The following OC90 variants were observed in gnomAD, a reference collection of about 807,000 sequenced individuals.
OC90 encodes otoconin-90.
In OC90, 46 loss-of-function variants were observed where a neutral mutation model predicts 47.3. The observed-to-expected ratio is 0.97, with a 90% confidence interval of 0.77 to 1.24. OC90 has a LOEUF of 1.24. Ranked by LOEUF, OC90 falls within the 50% of genes most tolerant of loss-of-function variation. The pLI, the probability that OC90 is intolerant of heterozygous loss-of-function variation, is 0.00. For synonymous variants in OC90, 271 were observed against 219.5 expected (o/e 1.23, Z -2.07); for missense variants, 688 against 583.9 (o/e 1.18, Z -1.84).
chr8:132,028,600 AGGGAAGGAGGGAAGG>A (rs1563727480), intron 13 of OC90, among the ~76,000 whole-genome samples: 11 of 32,690 alleles, frequency 3.4e-4, no homozygotes, highest in Non-Finnish European at 5.1e-4. Context: ...GGAAGGAAGG[AGGGAAGGAGGGAAGG>A]AGGAAGGAAG....
chr8:132,026,260 T>A (rs1822756260), intron 13 of OC90, among the ~76,000 whole-genome samples: 4 of 152,220 alleles, frequency 2.6e-5, no homozygotes, highest in African/African-American at 7.2e-5. Flanking sequence ...ACAAATATTA[T>A]CCTTGTTATC....
At chr8:132,058,913 T>C (rs923197722) in intron 1 of OC90, among the ~76,000 whole-genome samples, 2 of 152,026 alleles carry the variant, frequency 1.3e-5, no homozygotes, top group African/African-American at 2.4e-5. Context: ...TCAGAGCAAT[T>C]TGGGTTTTCA....
At chr8:132,034,516 G>A (rs1355033059) in intron 10 of OC90, among the ~76,000 whole-genome samples, 1 of 152,148 alleles carries the variant, frequency 6.6e-6, no homozygotes, top group Non-Finnish European at 1.5e-5. Context: ...CTCACCTCTT[G>A]AGGAGGAACT....
chr8:132,026,097 T>C (rs1443946375), intron 13 of OC90, among the ~76,000 whole-genome samples: 2 of 152,226 alleles, frequency 1.3e-5, no homozygotes, highest in African/African-American at 4.8e-5. Context: ...ATTGATTATC[T>C]GAAATTCAAA....
intron 12 of OC90, among the ~76,000 whole-genome samples, chr8:132,029,899 C>A (rs927298800): frequency 6.6e-6 from 1 of 152,226 alleles, no homozygotes; most frequent in Non-Finnish European, 1.5e-5. Context: ...CCCTTTTCAA[C>A]TTTTCCCTTT....
At chr8:132,054,724 T>C (rs1289266475) in intron 2 of OC90, among the ~76,000 whole-genome samples, 1 of 152,230 alleles carries the variant, frequency 6.6e-6, no homozygotes, top group Non-Finnish European at 1.5e-5. Context: ...CCAAAAATGT[T>C]TGTAAACACT....
chr8:132,040,659 T>C (rs1324682261), intron 6 of OC90, among the ~76,000 whole-genome samples: 2 of 152,178 alleles, frequency 1.3e-5, no homozygotes, highest in Non-Finnish European at 2.9e-5. Flanking sequence ...TGTAATTTGA[T>C]TTTCACAACT....
rs1353380886 is a variant in OC90, at chr8:132,040,505, C to T, written c.457+539G>A. Among the ~76,000 whole-genome samples, 3 of 152,178 alleles carry T rather than the reference C, an allele frequency of 2.0e-5. No homozygotes were observed. The East Asian group carries it at 5.8e-4, about 29-fold the overall frequency. ...AGTCACATAGCAAATAAGGCGGGAA[C>T]TGAGATTTGAACCTATGTGTTTCTG... On this transcript the variant is annotated intron_variant, in intron 6 of 13. Coordinates refer to ENST00000254627, the MANE Select transcript of OC90 (RefSeq NM_001080399.3).
At chr8:132,048,470 A>G (rs1823166600) in intron 2 of OC90, among the ~76,000 whole-genome samples, 1 of 151,616 alleles carries the variant, frequency 6.6e-6, no homozygotes, top group Non-Finnish European at 1.5e-5. Flanking sequence ...GTGGTCCCCC[A>G]AATATGCCGC....
At chr8:132,044,892 G>A (rs1212720864) in intron 3 of OC90, among the ~76,000 whole-genome samples, 1 of 152,180 alleles carries the variant, frequency 6.6e-6, no homozygotes, top group Non-Finnish European at 1.5e-5. Flanking sequence ...TTCCTATGGA[G>A]AATGAAGCTT....
At chr8:132,026,247 T>G (rs1301523008) in intron 13 of OC90, among the ~76,000 whole-genome samples, 1 of 151,990 alleles carries the variant, frequency 6.6e-6, no homozygotes, top group Non-Finnish European at 1.5e-5. Context: ...TACATAAGTT[T>G]CTACAAATAT....
At position 132,041,130 on chromosome 8, in the gene OC90, T is replaced by TCTC. The variant is rs763365050; in HGVS notation, c.370_371insGAG (p.Tyr124delinsTer). ...ACAGTCCATCTCAGCGGCCTCCTCA[T>TCTC]AGCACCTGCGGTGCTGGAAGCAGCA... On this transcript the variant is annotated stop_gained, in exon 6 of 14. Coordinates refer to ENST00000254627, the MANE Select transcript of OC90 (RefSeq NM_001080399.3). LOFTEE classifies it high-confidence loss of function. The TCTC allele has an allele frequency of 5.0e-6, 8 of 1,613,496 alleles. No homozygotes were observed.
intron 2 of OC90, among the ~76,000 whole-genome samples, chr8:132,048,723 C>T (rs1403174291): frequency 6.6e-6 from 1 of 151,600 alleles, no homozygotes; most frequent in African/African-American, 2.4e-5. Flanking sequence ...CCCCACTCCC[C>T]CCTGTTTTAC....
chr8:132,040,148 C>A (rs759233283), intron 6 of OC90, among the ~76,000 whole-genome samples: 2 of 152,172 alleles, frequency 1.3e-5, no homozygotes, highest in African/African-American at 4.8e-5. Flanking sequence ...CCACCTCCTC[C>A]CCTCAATTCC....
intron 12 of OC90, among the ~76,000 whole-genome samples, chr8:132,030,136 T>C (rs565450778): frequency 2.6e-5 from 4 of 152,292 alleles, no homozygotes; most frequent in African/African-American, 7.2e-5. Context: ...ACACACAATC[T>C]TGTGTGTGTA....
intron 2 of OC90, among the ~76,000 whole-genome samples, chr8:132,053,062 AC>A (rs1563735281): frequency 6.6e-6 from 1 of 151,990 alleles, no homozygotes; most frequent in East Asian, 1.9e-4. Flanking sequence ...CTTGTACTGC[AC>A]CCTGGGGCCT....
At chr8:132,028,563 AAAGGAAGG>A (rs869234363) in intron 13 of OC90, among the ~76,000 whole-genome samples, 8 of 31,380 alleles carry the variant, frequency 2.5e-4, no homozygotes, top group African/African-American at 1.1e-3. Context: ...AGAAAGAAAG[AAAGGAAGG>A]AAGGAAGGAA....
intron 10 of OC90, among the ~76,000 whole-genome samples, chr8:132,033,970 C>T (rs889129090): frequency 2.6e-5 from 4 of 152,208 alleles, no homozygotes; most frequent in East Asian, 1.9e-4. Context: ...TGGTTTGCTT[C>T]GTGCATCTGG....
intron 2 of OC90, among the ~76,000 whole-genome samples, chr8:132,051,783 A>G (rs763134863): frequency 1.3e-5 from 2 of 152,164 alleles, no homozygotes; most frequent in African/African-American, 2.4e-5. Flanking sequence ...CTGGGAAGCA[A>G]TAGGGAATGG....
Sources: gnomAD v4.1 joint callset for allele counts (sites outside exome capture counted in the v4.1 genomes callset) on GRCh38, gnomAD v4.1.1 for gene constraint, MANE v1.5 for transcripts, NCBI Gene and HGNC (gene_info 2026-07-23, HGNC 2026-07-21) for gene names.